Variants in FAM167A observed in about 807,000 individuals in gnomAD.
FAM167A encodes protein FAM167A.
In FAM167A, 23 loss-of-function variants were observed where a neutral mutation model predicts 14.9. The observed-to-expected ratio is 1.55, with a 90% CI of 1.11 to 2.19. The LOEUF (loss-of-function observed/expected upper bound fraction) is 2.19. Ranked by LOEUF, FAM167A falls within the 30% of genes most tolerant of loss-of-function variation. The probability of loss-of-function intolerance (pLI) is 0.00; values close to 1 mark genes in which losing one functional copy is unlikely to be tolerated. For missense variants in FAM167A, 401 were observed against 281.5 expected (o/e 1.42, Z -3.04); for synonymous variants, 174 against 117.7 (o/e 1.48, Z -3.10).
At chr8:11,455,936 GCGTGAA>G (rs1807254056) in intron 1 of FAM167A, among the ~76,000 whole-genome samples, 1 of 104,034 alleles carries the variant, frequency 9.6e-6, no homozygotes, top group Non-Finnish European at 2.1e-5. Flanking sequence ...TGCTGGGTGT[GCGTGAA>G]TGTGGGGTGG....
chr8:11,428,716 C>T (rs937766724), intron 2 of FAM167A, among the ~76,000 whole-genome samples: 1 of 152,240 alleles, frequency 6.6e-6, no homozygotes, highest in Non-Finnish European at 1.5e-5. Flanking sequence ...CCCCAAAGAA[C>T]AGGGTTTGTC....
intron 2 of FAM167A, among the ~76,000 whole-genome samples, chr8:11,440,356 G>T (rs1320956591): frequency 6.6e-6 from 1 of 152,218 alleles, no homozygotes; most frequent in Non-Finnish European, 1.5e-5. Flanking sequence ...AGGAAAATCT[G>T]ATCTACTTGC....
intron 1 of FAM167A, among the ~76,000 whole-genome samples, chr8:11,455,154 G>C (rs1807184233): frequency 6.9e-6 from 1 of 144,500 alleles, no homozygotes; most frequent in Admixed American, 6.9e-5. Flanking sequence ...GTGTGTGTGT[G>C]ACTGTGGTGG....
intron 1 of FAM167A, among the ~76,000 whole-genome samples, chr8:11,473,168 C>A (rs1399715816): frequency 6.6e-6 from 1 of 152,206 alleles, no homozygotes. Flanking sequence ...CAATAGCCCA[C>A]GGCAACGTCA....
At position 11,466,661 on chromosome 8, in the gene FAM167A, CG is replaced by C. The variant is rs1807786032; in HGVS notation, c.-434del. Reference sequence around the variant, plus strand: ...CCCAGGGGCCCTGCTGGGGACTCGCCGGTGTCCCCGCCGCCTCCTCCTGCGC... The same window carrying C: ...CCCAGGGGCCCTGCTGGGGACTCGCCGTGTCCCCGCCGCCTCCTCCTGCGC... On this transcript the variant is annotated 5_prime_UTR_variant, in exon 1 of 3. Transcript: ENST00000284486. 1 of 152,376 alleles carries C rather than the reference CG, an allele frequency of 6.6e-6. No homozygotes were observed. The highest frequency in any genetic ancestry group is 2.1e-4 in the South Asian group (1 of 4,834). 9.4% of individuals were successfully genotyped at this position (152,376 alleles called of 1,614,324 possible). A position where few individuals can be genotyped will look rare whatever the true frequency, so the allele number is the denominator to read the frequency against.
intron 1 of FAM167A, among the ~76,000 whole-genome samples, chr8:11,465,548 A>G (rs1807729914): frequency 1.3e-5 from 2 of 152,256 alleles, no homozygotes; most frequent in African/African-American, 4.8e-5. Flanking sequence ...TTCCAAGCAC[A>G]GCCCATGGCT....
At chr8:11,447,952 T>C (rs1806857552) in intron 1 of FAM167A, among the ~76,000 whole-genome samples, 1 of 152,108 alleles carries the variant, frequency 6.6e-6, no homozygotes, top group Admixed American at 6.5e-5. Flanking sequence ...TCCCAGCACT[T>C]TGGGAGGCCG....
intron 2 of FAM167A, 144 bp downstream of exon 2, chr8:11,443,887 G>C (rs1315854956): frequency 6.5e-6 from 7 of 1,084,144 alleles, no homozygotes; most frequent in Non-Finnish European, 9.3e-6. Flanking sequence ...CTCACGGGAA[G>C]ATTACAGATG....
intron 2 of FAM167A, chr8:11,438,298 G>C: frequency 2.5e-6 from 1 of 402,216 alleles, no homozygotes; most frequent in Non-Finnish European, 5.0e-6. Flanking sequence ...GGACCTCCCG[G>C]TTGGGGTCAG....
At chr8:11,427,648 A>G (rs950368531) in intron 2 of FAM167A, among the ~76,000 whole-genome samples, 3 of 152,156 alleles carry the variant, frequency 2.0e-5, no homozygotes, top group Admixed American at 2.0e-4. Flanking sequence ...GAGCATCTCA[A>G]TGTTCTTTTT....
chr8:11,468,610 G>T (rs193273384), upstream of FAM167A, among the ~76,000 whole-genome samples: 1 of 152,216 alleles, frequency 6.6e-6, no homozygotes, highest in African/African-American at 2.4e-5. Flanking sequence ...CCACAGCCCC[G>T]GTGCTGAGCC....
At chr8:11,464,349 C>T (rs962811063) in intron 1 of FAM167A, among the ~76,000 whole-genome samples, 20 of 152,268 alleles carry the variant, frequency 1.3e-4, no homozygotes, top group African/African-American at 4.8e-4. Flanking sequence ...ACACGGCCCT[C>T]GGTGGCAGCT....
intron 2 of FAM167A, among the ~76,000 whole-genome samples, chr8:11,442,929 A>G (rs903150692): frequency 6.6e-6 from 1 of 152,126 alleles, no homozygotes; most frequent in East Asian, 1.9e-4. Context: ...TCCAAACCCC[A>G]GTGGATTCTC....
chr8:11,444,325 G>T lies in FAM167A; in HGVS notation c.87C>A (p.Ser29Arg), dbSNP rs771345709. ...TCAGTTTCTCGGTGAGGGCCTTCAGGCTCCGGAGGTGGTCATCGGGTGGTG... is the reference window on the plus strand; with the variant it reads ...TCAGTTTCTCGGTGAGGGCCTTCAGTCTCCGGAGGTGGTCATCGGGTGGTG... Reference protein sequence around the residue: ...AAAPPDDHLRSLKALTEKLRL... With the variant: ...AAAPPDDHLRRLKALTEKLRL... The change falls in exon 2 of 3, where the codon AGC becomes AGA. Residue 29 changes from serine (S) to arginine (R), a missense_variant. By Grantham distance (110) the Ser-to-Arg change is moderately radical. Coordinates refer to ENST00000284486, the MANE Select transcript of FAM167A (RefSeq NM_053279.3). 8 of 1,611,172 alleles carry T rather than the reference G, an allele frequency of 5.0e-6. No homozygotes were observed. The highest frequency in any genetic ancestry group is 5.1e-6 in the Non-Finnish European group (6 of 1,179,170).
At chr8:11,427,376 C>T (rs908687269) in intron 2 of FAM167A, among the ~76,000 whole-genome samples, 2 of 152,206 alleles carry the variant, frequency 1.3e-5, no homozygotes, top group East Asian at 3.9e-4. Flanking sequence ...GTCACTGGGA[C>T]AGGTTGCCAG....
intron 1 of FAM167A, among the ~76,000 whole-genome samples, chr8:11,465,749 G>A (rs998355971): frequency 6.6e-6 from 1 of 152,120 alleles, no homozygotes; most frequent in South Asian, 2.1e-4. Context: ...TGTGCCCCTT[G>A]GTGAAAACCC....
chr8:11,438,062 C>A (rs1806157871), intron 2 of FAM167A: 2 of 442,426 alleles, frequency 4.5e-6, no homozygotes, highest in Non-Finnish European at 9.0e-6. Context: ...AAGACAGGAG[C>A]CCTGACCCAT....
chr8:11,445,531 G>T (rs142092092), intron 1 of FAM167A: 1 of 985,516 alleles, frequency 1.0e-6, no homozygotes, highest in Non-Finnish European at 1.2e-6. Flanking sequence ...GTTCTAGAAC[G>T]AGGCTTCTCG....
At chr8:11,454,493 G>A (rs1340604791) in intron 1 of FAM167A, among the ~76,000 whole-genome samples, 1 of 152,224 alleles carries the variant, frequency 6.6e-6, no homozygotes, top group Non-Finnish European at 1.5e-5. Context: ...ACAAAGGCAG[G>A]GGCCATGAGC....
Sources: gnomAD v4.1 joint callset for allele counts (sites outside exome capture counted in the v4.1 genomes callset) on GRCh38, gnomAD v4.1.1 for gene constraint, MANE v1.5 for transcripts, NCBI Gene and HGNC (gene_info 2026-07-23, HGNC 2026-07-21) for gene names.